Variants in SLC26A7 observed in about 807,000 individuals in gnomAD.
SLC26A7 encodes solute carrier family 26 member 7, also known as anion exchange transporter.
Under a neutral mutation model 82.5 loss-of-function variants are expected in SLC26A7, and 59 were observed. The observed-to-expected ratio is 0.72, with a 90% CI of 0.58 to 0.89. SLC26A7 has a LOEUF of 0.89. SLC26A7 is among the 40% of genes least tolerant of loss of function. The pLI is 0.00. For synonymous variants in SLC26A7, 271 were observed against 274.3 expected, an observed-to-expected ratio of 0.99 and a Z score of 0.12; for missense variants, 820 against 793.0, an observed-to-expected ratio of 1.03 and a Z score of -0.41.
At chr8:91,386,688 G>A (rs954904155) in intron 15 of SLC26A7, among the ~76,000 whole-genome samples, 20 of 152,170 alleles carry the variant, frequency 1.3e-4, no homozygotes, top group South Asian at 2.1e-4. Context: ...ATATAAGGTC[G>A]GATGGTGGAG....
intron 8 of SLC26A7, 133 bp from the exon 9 acceptor site, chr8:91,343,220 A>C (rs1193700956): frequency 3.3e-6 from 2 of 601,748 alleles, no homozygotes; most frequent in Non-Finnish European, 5.9e-6. Context: ...TTGTATTGTA[A>C]TTGTTAAATC....
intron 10 of SLC26A7, among the ~76,000 whole-genome samples, chr8:91,352,542 A>G (rs1257641306): frequency 1.3e-5 from 2 of 152,140 alleles, no homozygotes; most frequent in African/African-American, 2.4e-5. Flanking sequence ...AAAATATATG[A>G]TATACATATT....
intron 15 of SLC26A7, among the ~76,000 whole-genome samples, chr8:91,379,130 A>G (rs570532382): frequency 7.6e-4 from 115 of 152,198 alleles, no homozygotes; most frequent in African/African-American, 2.4e-3. Flanking sequence ...GAAGGTGTAC[A>G]ACTTTATTAT....
chr8:91,285,820 G>T (rs1312623363), intron 2 of SLC26A7, among the ~76,000 whole-genome samples: 1 of 152,186 alleles, frequency 6.6e-6, no homozygotes, highest in Non-Finnish European at 1.5e-5. Flanking sequence ...AGGTAAGGCT[G>T]CTAGGCCAAC....
intron 9 of SLC26A7, among the ~76,000 whole-genome samples, chr8:91,344,940 T>C (rs1813520267): frequency 6.6e-6 from 1 of 151,976 alleles, no homozygotes; most frequent in Admixed American, 6.6e-5. Flanking sequence ...GCAGTTTTTT[T>C]TTTCTTTTTT....
rs761673837 is a variant in SLC26A7, at chr8:91,393,925, C to G, written c.1832-11C>G. On this transcript the variant is annotated splice_polypyrimidine_tract_variant and intron_variant, in intron 17 of 18. Transcript: ENST00000276609. ...CACATGTATTCTTATATCACTTGTG[C>G]TTTCTTGAAGCTTCCTTGATAAAAG... The G allele has an allele frequency of 1.9e-6, 3 of 1,612,938 alleles. No individual in the cohort carries two copies. The highest frequency in any genetic ancestry group is 2.2e-5 in the South Asian group (2 of 90,968).
At chr8:91,294,380 T>A (rs1811958518) in intron 3 of SLC26A7, among the ~76,000 whole-genome samples, 1 of 152,172 alleles carries the variant, frequency 6.6e-6, no homozygotes, top group Non-Finnish European at 1.5e-5. Context: ...ACAATCATCA[T>A]GTTTTTCTGA....
At chr8:91,282,674 C>G (rs1024152550) in intron 2 of SLC26A7, among the ~76,000 whole-genome samples, 3 of 152,194 alleles carry the variant, frequency 2.0e-5, no homozygotes, top group African/African-American at 7.2e-5. Context: ...AACAGAAGGT[C>G]TCGTAGGTTC....
intron 1 of SLC26A7, among the ~76,000 whole-genome samples, chr8:91,210,668 T>C (rs1283298934): frequency 6.6e-6 from 1 of 152,052 alleles, no homozygotes; most frequent in Non-Finnish European, 1.5e-5. Context: ...TTGATATCTA[T>C]ATAATTTCAC....
At chr8:91,379,695 C>A (rs1197621558) in intron 15 of SLC26A7, among the ~76,000 whole-genome samples, 1 of 151,972 alleles carries the variant, frequency 6.6e-6, no homozygotes, top group South Asian at 2.1e-4. Context: ...AAAATGTAAA[C>A]TTAGAAGAGC....
chr8:91,389,475 C>T (rs1310741593), intron 16 of SLC26A7, 37 bp downstream of exon 16: 2 of 1,499,936 alleles, frequency 1.3e-6, no homozygotes, highest in African/African-American at 2.8e-5. Flanking sequence ...TGTTTCTTCC[C>T]TTTTGTTCAG....
chr8:91,386,836 C>T (rs1042850472), intron 15 of SLC26A7, among the ~76,000 whole-genome samples: 11 of 151,996 alleles, frequency 7.2e-5, no homozygotes, highest in Admixed American at 5.9e-4. Flanking sequence ...ATCATCTGGC[C>T]CCAACTCATT....
At chr8:91,239,395 A>ATATATAT (rs1233159768) in intron 2 of SLC26A7, among the ~76,000 whole-genome samples, 25 of 94,864 alleles carry the variant, frequency 2.6e-4, no homozygotes, top group African/African-American at 8.5e-4. Context: ...AAAAAAAAAA[A>ATATATAT]ATATATATAT....
intron 10 of SLC26A7, among the ~76,000 whole-genome samples, chr8:91,352,561 T>C (rs1366556148): frequency 1.3e-5 from 2 of 152,160 alleles, no homozygotes; most frequent in African/African-American, 2.4e-5. Context: ...TTTAATTTCA[T>C]GCAACAAATA....
intron 2 of SLC26A7, among the ~76,000 whole-genome samples, chr8:91,226,327 G>A (rs988249705): frequency 6.6e-6 from 1 of 152,124 alleles, no homozygotes; most frequent in African/African-American, 2.4e-5. Flanking sequence ...GGTATTTTCT[G>A]AAGAAAAACT....
At chr8:91,245,482 T>A (rs1586317068), upstream of SLC26A7, among the ~76,000 whole-genome samples, 1 of 152,076 alleles carries the variant, frequency 6.6e-6, no homozygotes, top group Non-Finnish European at 1.5e-5. Context: ...GTGGGTAGAG[T>A]ATGGCCTTCC....
chr8:91,373,111 A>G (rs1181268529), intron 15 of SLC26A7, among the ~76,000 whole-genome samples: 4 of 151,994 alleles, frequency 2.6e-5, no homozygotes, highest in Non-Finnish European at 5.9e-5. Context: ...CATTAGTTCC[A>G]GAAACCTTTT....
At chr8:91,307,711 A>G (rs899739555) in intron 4 of SLC26A7, among the ~76,000 whole-genome samples, 6 of 142,808 alleles carry the variant, frequency 4.2e-5, no homozygotes, top group African/African-American at 1.3e-4. Context: ...ATGACGAGTT[A>G]GTGGGTGCAG....
intron 11 of SLC26A7, among the ~76,000 whole-genome samples, chr8:91,358,352 A>G (rs1306994351): frequency 7.2e-6 from 1 of 138,428 alleles, no homozygotes; most frequent in Non-Finnish European, 1.5e-5. Context: ...TTTTTGAGGC[A>G]TAGTCTCACT....
Sources: allele counts gnomAD v4.1 joint callset (sites outside exome capture counted in the v4.1 genomes callset), GRCh38; gene constraint gnomAD v4.1.1; transcripts MANE v1.5; gene names NCBI Gene and HGNC (gene_info 2026-07-23, HGNC 2026-07-21).